ZFP90: variants seen among roughly 807,000 people sequenced by gnomAD.
ZFP90 encodes ZFP90 zinc finger protein.
ZFP90 carries 38 observed loss-of-function variants against 60.8 expected under a neutral mutation model. The ratio of observed to expected loss-of-function variants is 0.62; its 90% CI spans 0.48 to 0.82. The LOEUF (loss-of-function observed/expected upper bound fraction) is 0.82. Ranked by LOEUF, ZFP90 falls within the 40% of genes least tolerant of loss-of-function variation. The pLI is 0.00. For synonymous variants in ZFP90, 287 were observed against 264.8 expected, an observed-to-expected ratio of 1.08 and a Z score of -0.82; for missense variants, 711 against 759.1, an observed-to-expected ratio of 0.94 and a Z score of 0.74.
At chr16:68,573,270 CT>C (rs559452934) in intron 2 of ZFP90, among the ~76,000 whole-genome samples, 2 of 152,204 alleles carry the variant, frequency 1.3e-5, no homozygotes, top group Non-Finnish European at 2.9e-5. Context: ...GGAAACTAGG[CT>C]GCCCTGCTGT....
chr16:68,573,154 C>G lies in ZFP90; in HGVS notation c.224-2637C>G, dbSNP rs553440545. Among the ~76,000 whole-genome samples the G allele has an allele frequency of 2.0e-5, 3 of 152,344 alleles. No homozygotes were observed. In the South Asian group the frequency reaches 6.2e-4, roughly 32 times the overall value. ...GTATGTTCACCCTGTACCTGGAGCT[C>G]CTGGGAAGGAGGACAAGTGGGCAGG... On this transcript the variant is annotated intron_variant, in intron 2 of 2. Transcript: ENST00000573113.
upstream of ZFP90, among the ~76,000 whole-genome samples, chr16:68,537,524 C>T (rs1374681078): frequency 6.6e-6 from 1 of 152,200 alleles, no homozygotes; most frequent in Non-Finnish European, 1.5e-5. Context: ...CTGCTAATTC[C>T]AGACCACTAT....
chr16:68,563,365 G>A lies in ZFP90; in HGVS notation c.578G>A (p.Gly193Glu), dbSNP rs373455521. ...SECETLGSNL[G>E]HNADLLNENN... The stretch of plus-strand genomic sequence containing the variant: ...TGTGAGACCCTTGGAAGCAATTTGG[G>A]ACATAATGCAGACTTACTTAATGAG... Residue 193 changes from glycine (G) to glutamate (E), a missense_variant, in exon 5 of 5, where the codon GGA becomes GAA. By Grantham distance (98) the Gly-to-Glu change is moderately conservative (BLOSUM62 -2). Transcript: ENST00000563169. 16 of 1,614,082 alleles carry A rather than the reference G, an allele frequency of 9.9e-6. No homozygotes were observed. Among genetic ancestry groups the A allele is most frequent in the East Asian group, 4.5e-5 (2 of 44,888 alleles).
Position 68,565,759 on chromosome 16 carries a change from A to G in ZFP90, c.*1061A>G. 1.0e-6 allele frequency: 1 copy of G among 985,534 alleles called. No individual in the cohort carries two copies. Among genetic ancestry groups the G allele is most frequent in the Non-Finnish European group, 1.2e-6 (1 of 829,912 alleles). The allele number at this position is 985,534 out of a possible 1,614,324, so 61.0% of individuals were successfully genotyped here. A position where few individuals can be genotyped will look rare whatever the true frequency, so the allele number is the denominator to read the frequency against. ...TAAGTCTAATTGCCCATTGCCATAA[A>G]TTTTGCCTTGTACTCAGAGAAGCAA... On this transcript the variant is annotated 3_prime_UTR_variant, in exon 5 of 5. Transcript: ENST00000563169.
At chr16:68,536,989 C>T (rs1940995453), upstream of ZFP90, among the ~76,000 whole-genome samples, 1 of 152,242 alleles carries the variant, frequency 6.6e-6, no homozygotes, top group Admixed American at 6.5e-5. Flanking sequence ...TCTTATCCCT[C>T]ACTCTGCTAA....
intron 4 of ZFP90, among the ~76,000 whole-genome samples, chr16:68,559,248 G>T (rs533127147): frequency 6.6e-6 from 1 of 152,216 alleles, no homozygotes; most frequent in South Asian, 2.1e-4. Context: ...CTATGCCATA[G>T]ACTCAGAAGT....
chr16:68,542,074 C>A (rs774618775), intron 2 of ZFP90, among the ~76,000 whole-genome samples: 7 of 152,272 alleles, frequency 4.6e-5, no homozygotes, highest in African/African-American at 1.4e-4. Context: ...AGCAGTGGTT[C>A]CCTGAGCATG....
At position 68,565,540 on chromosome 16, in the gene ZFP90, T is replaced by C; in HGVS notation, c.*842T>C. On this transcript the variant is annotated 3_prime_UTR_variant, in exon 5 of 5. Coordinates refer to ENST00000563169, the MANE Select transcript of ZFP90 (RefSeq NM_001305203.2). ...AGATGGTTGAACTACTAGTGACTTTTTTCCCCTTTTCCCAGTTACAATTAT... is the reference window on the plus strand; with the variant it reads ...AGATGGTTGAACTACTAGTGACTTTCTTCCCCTTTTCCCAGTTACAATTAT... 4.1e-6 allele frequency: 4 copies of C among 985,582 alleles called. No homozygotes were observed. The highest frequency in any genetic ancestry group is 4.8e-6 in the Non-Finnish European group (4 of 829,926). 61.1% of individuals were successfully genotyped at this position (985,582 alleles called of 1,614,324 possible).
At chr16:68,551,827 C>T (rs750183782) in intron 2 of ZFP90, among the ~76,000 whole-genome samples, 10 of 152,064 alleles carry the variant, frequency 6.6e-5, no homozygotes, top group African/African-American at 1.2e-4. Context: ...GGCGTGATCT[C>T]GGCTCACTGC....
intron 1 of ZFP90, chr16:68,533,581 G>GT (rs1202556749): frequency 6.6e-6 from 1 of 152,160 alleles, no homozygotes. Flanking sequence ...ATGACATTCT[G>GT]TTTTTTGTTT....
chr16:68,549,504 C>T (rs979195233), intron 2 of ZFP90, among the ~76,000 whole-genome samples: 3 of 151,704 alleles, frequency 2.0e-5, no homozygotes, highest in South Asian at 2.1e-4. Context: ...GGTGAAACCC[C>T]GTCTCTACTA....
At chr16:68,535,984 G>T (rs578146776), upstream of ZFP90, among the ~76,000 whole-genome samples, 1 of 152,316 alleles carries the variant, frequency 6.6e-6, no homozygotes, top group African/African-American at 2.4e-5. Flanking sequence ...CCAAATGGGT[G>T]TGAGCTGAAG....
chr16:68,561,045 C>G (rs1465045548), intron 4 of ZFP90, among the ~76,000 whole-genome samples: 1 of 152,128 alleles, frequency 6.6e-6, no homozygotes, highest in Non-Finnish European at 1.5e-5. Flanking sequence ...CAGGCACACG[C>G]CACCATGCCC....
intron 4 of ZFP90, among the ~76,000 whole-genome samples, chr16:68,560,666 C>T (rs2091426967): frequency 6.6e-6 from 1 of 151,848 alleles, no homozygotes; most frequent in Admixed American, 6.6e-5. Context: ...AAGCAGTTCT[C>T]ATGCCTCAGC....
At chr16:68,544,721 C>T (rs917780302) in intron 2 of ZFP90, among the ~76,000 whole-genome samples, 1 of 152,086 alleles carries the variant, frequency 6.6e-6, no homozygotes, top group Non-Finnish European at 1.5e-5. Context: ...TCAAGGATGT[C>T]CGAGCTCCCT....
In ZFP90 at chr16:68,539,312, C is replaced by A. The variant is rs1295633466; in HGVS notation, c.-203C>A. 6.1e-6 allele frequency: 1 copy of A among 164,256 alleles called. No individual in the cohort carries two copies. The highest frequency in any genetic ancestry group is 1.3e-5 in the Non-Finnish European group (1 of 76,480). The allele number at this position is 164,256 out of a possible 1,614,324, so 10.2% of individuals were successfully genotyped here. ...GCGCACTTCCAGTTCTGCCCCACCG[C>A]TGCGGCCATTGTCCGACCCCGGTGC... On this transcript the variant is annotated 5_prime_UTR_variant, in exon 1 of 5. It adds an upstream start codon to the 5' untranslated region. Transcript: ENST00000563169.
chr16:68,536,052 C>T (rs1365154778), upstream of ZFP90, among the ~76,000 whole-genome samples: 1 of 152,190 alleles, frequency 6.6e-6, no homozygotes, highest in African/African-American at 2.4e-5. Flanking sequence ...CACCTTTCCC[C>T]TGGGGGCTAA....
Position 68,563,740 on chromosome 16 carries a change from C to T in ZFP90, c.953C>T (p.Ala318Val). 1 of 1,613,902 alleles carries T rather than the reference C, an allele frequency of 6.2e-7. No individual in the cohort carries two copies. The highest frequency in any genetic ancestry group is 8.5e-7 in the Non-Finnish European group (1 of 1,179,964). ...KPYQCSLCGK[A>V]FQRSSSLVQH... ...TATCAGTGTAGTCTCTGTGGGAAAG[C>T]CTTCCAGCGCAGCTCCTCCCTTGTT... The change falls in exon 5 of 5, where the codon GCC (alanine) becomes GTC (valine). Residue 318 changes from alanine to valine, a missense_variant. By Grantham distance (64) the Ala-to-Val change is moderately conservative (BLOSUM62 0). This residue lies in a region of ZFP90 where 146 missense variants were observed against 201.4 expected (regional missense o/e 0.73). Transcript: ENST00000563169.
At chr16:68,544,829 C>T (rs997009545) in intron 2 of ZFP90, among the ~76,000 whole-genome samples, 5 of 150,238 alleles carry the variant, frequency 3.3e-5, no homozygotes, top group Admixed American at 1.3e-4. Context: ...ACGTTAGGTA[C>T]CGCTCCTGTG....
Sources: allele counts gnomAD v4.1 joint callset (sites outside exome capture counted in the v4.1 genomes callset), GRCh38; gene constraint gnomAD v4.1.1; regional missense constraint gnomAD v4.1.1; transcripts MANE v1.5; gene names NCBI Gene and HGNC (gene_info 2026-07-23, HGNC 2026-07-21).